Variants in SIPA1L2 observed in about 807,000 individuals in gnomAD.
SIPA1L2 encodes signal induced proliferation associated 1 like 2.
SIPA1L2 carries 56 observed loss-of-function variants against 163.9 expected under a neutral mutation model. That is an observed-to-expected ratio of 0.34 (90% CI 0.28 to 0.43). The LOEUF (loss-of-function observed/expected upper bound fraction) is 0.43. Ranked by LOEUF, SIPA1L2 falls within the 20% of genes least tolerant of loss-of-function variation. The pLI is 1.00. For missense variants in SIPA1L2, 1,974 were observed against 2,193.5 expected (o/e 0.90, Z 2.00); for synonymous variants, 877 against 865.7 (o/e 1.01, Z -0.23).
chr1:232,460,797 T>C, intron 10 of SIPA1L2, 90 bp downstream of exon 10: 4 of 1,477,740 alleles, frequency 2.7e-6, no homozygotes, highest in Non-Finnish European at 3.6e-6. Context: ...TTGACTGCAT[T>C]TTCTGAGGAC....
chr1:232,561,497 C>T (rs1224527879), intron 2 of SIPA1L2: 1 of 152,148 alleles, frequency 6.6e-6, no homozygotes, highest in Non-Finnish European at 1.5e-5. Flanking sequence ...ATACACAGAT[C>T]ACATGTTCAT....
intron 2 of SIPA1L2, among the ~76,000 whole-genome samples, chr1:232,562,703 T>C (rs1390312164): frequency 6.6e-6 from 1 of 152,234 alleles, no homozygotes; most frequent in Admixed American, 6.5e-5. Flanking sequence ...AAATGTTTAC[T>C]ACTGACTCTG....
rs148881384 is a variant in SIPA1L2, at chr1:232,544,832, T to G, written c.-269-29224A>C. 4.5e-3 allele frequency among the ~76,000 whole-genome samples: 678 copies of G among 152,262 alleles called. 4 individuals are homozygous for G. Among genetic ancestry groups the G allele is most frequent in the African/African-American group, 0.01 (432 of 41,560 alleles). ...TGCCTAAAACTTTATCATTGTTATA[T>G]CACAATCAAAAAAGCTCCGAAAGCA... is the stretch of plus-strand genomic sequence containing the variant. On this transcript the variant is annotated intron_variant, in intron 2 of 22. Transcript: ENST00000674635.
intron 2 of SIPA1L2, among the ~76,000 whole-genome samples, chr1:232,537,286 C>T (rs1031120941): frequency 5.3e-5 from 8 of 151,860 alleles, no homozygotes; most frequent in African/African-American, 1.2e-4. Flanking sequence ...TTGGTGGGAC[C>T]AAGCAATTTG....
rs1241929811 is a variant in SIPA1L2, at chr1:232,399,220, G to T, written c.5076C>A (p.Asp1692Glu). Reference sequence around the variant, plus strand: ...GGGACTCCTCCTGCAGTCTCATGTTGTCCTGTCTCAGGTGCTGCACTTCTG... The same window carrying T: ...GGGACTCCTCCTGCAGTCTCATGTTTTCCTGTCTCAGGTGCTGCACTTCTG... The part of the protein sequence containing the change: ...LQAEVQHLRQ[D>E]NMRLQEESQT... Residue 1692 changes from aspartate (D) to glutamate (E), a missense_variant, in exon 23 of 23, where the codon GAC becomes GAA. Coordinates refer to ENST00000674635, the MANE Select transcript of SIPA1L2 (RefSeq NM_020808.5). 2 of 1,613,736 alleles carry T rather than the reference G, an allele frequency of 1.2e-6. No homozygotes were observed. Among genetic ancestry groups the T allele is most frequent in the Non-Finnish European group, 1.7e-6 (2 of 1,179,974 alleles).
chr1:232,477,091 T>C (rs1039069095), intron 7 of SIPA1L2, among the ~76,000 whole-genome samples: 4 of 152,174 alleles, frequency 2.6e-5, no homozygotes, highest in Admixed American at 6.5e-5. Flanking sequence ...TGTCCCCAGA[T>C]TGCAAGTGGC....
At chr1:232,508,534 T>C (rs1450158921) in intron 3 of SIPA1L2, among the ~76,000 whole-genome samples, 1 of 152,228 alleles carries the variant, frequency 6.6e-6, no homozygotes, top group African/African-American at 2.4e-5. Context: ...GCTGCTCTGC[T>C]ACAATGGAAA....
chr1:232,483,739 A>G, intron 6 of SIPA1L2, 53 bp downstream of exon 6: 1 of 1,601,526 alleles, frequency 6.2e-7, no homozygotes, highest in East Asian at 2.2e-5. Flanking sequence ...TTTATGAAGC[A>G]TGCCTACCTT....
intron 2 of SIPA1L2, among the ~76,000 whole-genome samples, chr1:232,524,051 A>G (rs983700259): frequency 6.6e-6 from 1 of 152,174 alleles, no homozygotes; most frequent in African/African-American, 2.4e-5. Flanking sequence ...CACTGTTCCC[A>G]TATTTACTTG....
intron 15 of SIPA1L2, among the ~76,000 whole-genome samples, chr1:232,438,544 C>G (rs6670119): frequency 0.16 from 24,639 of 152,148 alleles, 2,238 homozygotes; most frequent in Non-Finnish European, 0.21. Context: ...TCTACACTTA[C>G]AGTACTTAGA....
At chr1:232,436,523 C>T (rs923134877) in intron 15 of SIPA1L2, among the ~76,000 whole-genome samples, 1 of 152,186 alleles carries the variant, frequency 6.6e-6, no homozygotes, top group Non-Finnish European at 1.5e-5. Context: ...CAGTCACAAC[C>T]CAAGCCCTCC....
At chr1:232,430,459 T>C (rs901659155) in intron 16 of SIPA1L2, among the ~76,000 whole-genome samples, 11 of 152,248 alleles carry the variant, frequency 7.2e-5, no homozygotes, top group Non-Finnish European at 1.5e-4. Context: ...TATGTGAAAC[T>C]TCTGGAGAGC....
chr1:232,615,246 C>T (rs1163825141), intron 1 of SIPA1L2, among the ~76,000 whole-genome samples: 4 of 152,218 alleles, frequency 2.6e-5, no homozygotes, highest in South Asian at 4.1e-4. Flanking sequence ...GACACAGGCT[C>T]GGAATCTACT....
In SIPA1L2 at chr1:232,515,127, C is replaced by T; in HGVS notation, c.213G>A (p.Val71=). The T allele has an allele frequency of 6.2e-7, 1 of 1,613,908 alleles. No individual in the cohort carries two copies. Among genetic ancestry groups the T allele is most frequent in the South Asian group, 1.1e-5 (1 of 91,062 alleles). The change falls in exon 3 of 23, where the codon GTG becomes GTA. Residue 71 remains valine, a synonymous_variant. Transcript: ENST00000674635. ...GGGPANGTPA[V]PKMGVRARVS... ...CCCTTGCTCTCACACCCATCTTGGGCACAGCTGGGGTACCATTAGCCGGAC... is the reference window on the plus strand; with the variant it reads ...CCCTTGCTCTCACACCCATCTTGGGTACAGCTGGGGTACCATTAGCCGGAC...
At chr1:232,433,886 C>T (rs1243885815) in intron 15 of SIPA1L2, among the ~76,000 whole-genome samples, 1 of 152,086 alleles carries the variant, frequency 6.6e-6, no homozygotes. Context: ...ACTGCCAGAC[C>T]CTGGGCAAGT....
intron 5 of SIPA1L2, among the ~76,000 whole-genome samples, chr1:232,485,865 C>T (rs1665620769): frequency 6.6e-6 from 1 of 152,186 alleles, no homozygotes; most frequent in African/African-American, 2.4e-5. Flanking sequence ...CACTCCAGTG[C>T]CTGTGCATCT....
At chr1:232,553,200 G>T (rs941206985) in intron 2 of SIPA1L2, among the ~76,000 whole-genome samples, 1 of 152,106 alleles carries the variant, frequency 6.6e-6, no homozygotes, top group Non-Finnish European at 1.5e-5. Context: ...TCTTCCCCTG[G>T]AGTTTGGCCA....
intron 1 of SIPA1L2, among the ~76,000 whole-genome samples, chr1:232,623,629 C>CA (rs1437370156): frequency 6.6e-6 from 1 of 151,750 alleles, no homozygotes; most frequent in South Asian, 2.1e-4. Flanking sequence ...CAAAACAAAA[C>CA]AAAAAAACAG....
intron 2 of SIPA1L2, among the ~76,000 whole-genome samples, chr1:232,553,959 C>T (rs1285054091): frequency 6.6e-6 from 1 of 152,020 alleles, no homozygotes; most frequent in African/African-American, 2.4e-5. Context: ...AAGAAGTTAC[C>T]AAGCAGCAAG....
Sources: gnomAD v4.1 joint callset for allele counts (sites outside exome capture counted in the v4.1 genomes callset) on GRCh38, gnomAD v4.1.1 for gene constraint, MANE v1.5 for transcripts, NCBI Gene and HGNC (gene_info 2026-07-23, HGNC 2026-07-21) for gene names.